Variants in FMN2 observed in about 807,000 individuals in gnomAD.
FMN2 encodes formin 2.
A neutral mutation model predicts 142.3 loss-of-function variants in FMN2; 51 were observed. That is an observed-to-expected ratio of 0.36 (90% CI 0.29 to 0.45). The LOEUF (loss-of-function observed/expected upper bound fraction) is 0.45, where lower values mean the gene tolerates loss of function less well. Ranked by LOEUF, FMN2 falls within the 20% of genes least tolerant of loss-of-function variation. The probability of loss-of-function intolerance (pLI) is 1.00; values close to 1 mark genes in which losing one functional copy is unlikely to be tolerated. For missense variants in FMN2, 1,936 were observed against 2,122.8 expected (o/e 0.91, Z 1.73); for synonymous variants, 882 against 869.8 (o/e 1.01, Z -0.25).
intron 2 of FMN2, among the ~76,000 whole-genome samples, chr1:240,158,343 A>C (rs1010074526): frequency 6.6e-6 from 1 of 152,150 alleles, no homozygotes; most frequent in African/African-American, 2.4e-5. Context: ...TGAATTTGCT[A>C]TGACCTTGGG....
intron 15 of FMN2, among the ~76,000 whole-genome samples, chr1:240,398,593 C>T (rs368956053): frequency 2.0e-4 from 31 of 152,262 alleles, no homozygotes; most frequent in Non-Finnish European, 3.2e-4. Context: ...AAACATTTGA[C>T]GTTTCTCCGA....
chr1:240,427,181 A>G (rs1244819083), intron 15 of FMN2, among the ~76,000 whole-genome samples: 1 of 132,918 alleles, frequency 7.5e-6, no homozygotes, highest in African/African-American at 4.1e-5. Flanking sequence ...TTATATATAT[A>G]TATATATATA....
intron 1 of FMN2, among the ~76,000 whole-genome samples, chr1:240,118,608 T>C (rs1403801134): frequency 6.6e-6 from 1 of 152,150 alleles, no homozygotes; most frequent in Non-Finnish European, 1.5e-5. Flanking sequence ...AACTTTGGAA[T>C]TGATCTTCTG....
intron 8 of FMN2, among the ~76,000 whole-genome samples, chr1:240,322,815 T>C (rs978461510): frequency 3.9e-5 from 6 of 152,314 alleles, no homozygotes; most frequent in Non-Finnish European, 7.3e-5. Flanking sequence ...GAAGCTGAAC[T>C]GTGGTCCCCT....
chr1:240,186,068 G>C (rs1665434388), intron 3 of FMN2, among the ~76,000 whole-genome samples: 1 of 152,146 alleles, frequency 6.6e-6, no homozygotes, highest in Non-Finnish European at 1.5e-5. Flanking sequence ...TTTAAGGCCA[G>C]TTGTTTATTG....
chr1:240,192,905 A>G (rs996002774), intron 4 of FMN2, among the ~76,000 whole-genome samples: 1 of 152,158 alleles, frequency 6.6e-6, no homozygotes, highest in Non-Finnish European at 1.5e-5. Context: ...TCAGAGAAAA[A>G]TATAGACGTT....
At chr1:240,192,808 T>C (rs1442953991) in intron 4 of FMN2, among the ~76,000 whole-genome samples, 1 of 151,216 alleles carries the variant, frequency 6.6e-6, no homozygotes, top group Admixed American at 6.6e-5. Context: ...TTTTGAAAGG[T>C]ATTCACCATA....
intron 8 of FMN2, among the ~76,000 whole-genome samples, chr1:240,295,214 ACACACACACACT>A (rs771314541): frequency 7.9e-6 from 1 of 125,870 alleles, no homozygotes; most frequent in African/African-American, 2.8e-5. Context: ...ACACACACAC[ACACACACACACT>A]CACACACACT....
chr1:240,315,703 A>T (rs1343509512), intron 8 of FMN2, among the ~76,000 whole-genome samples: 1 of 152,204 alleles, frequency 6.6e-6, no homozygotes, highest in African/African-American at 2.4e-5. Flanking sequence ...GCATTTTAAA[A>T]TATGAAAATT....
At chr1:240,471,406 G>C (rs1676804449) in intron 16 of FMN2, among the ~76,000 whole-genome samples, 1 of 149,974 alleles carries the variant, frequency 6.7e-6, no homozygotes, top group South Asian at 2.1e-4. Flanking sequence ...CTGTCACCCA[G>C]GCTGGAGTGC....
chr1:240,138,191 C>T (rs1036404795), intron 2 of FMN2, among the ~76,000 whole-genome samples: 10 of 151,624 alleles, frequency 6.6e-5, no homozygotes, highest in African/African-American at 1.5e-4. Context: ...AGTAGGAAGC[C>T]GGTGGAGGGT....
intron 3 of FMN2, among the ~76,000 whole-genome samples, chr1:240,187,076 C>A (rs1665496245): frequency 6.7e-6 from 1 of 148,706 alleles, no homozygotes; most frequent in African/African-American, 2.5e-5. Context: ...ACCAGCCTGG[C>A]CAACATGGTG....
chr1:240,357,561 A>G (rs1025704243), intron 14 of FMN2, among the ~76,000 whole-genome samples: 2 of 151,598 alleles, frequency 1.3e-5, no homozygotes, highest in African/African-American at 2.4e-5. Context: ...TTGCCCAGTC[A>G]TACTAACTGT....
At position 240,358,322 on chromosome 1, in the gene FMN2, C is replaced by T. The variant is rs932724901; in HGVS notation, c.4858+2414C>T. Among the ~76,000 whole-genome samples the T allele has an allele frequency of 9.2e-5, 14 of 152,172 alleles. No homozygotes were observed. The East Asian group carries it at 2.5e-3, about 27-fold the overall frequency. On this transcript the variant is annotated intron_variant, in intron 14 of 17. Coordinates refer to ENST00000319653, the MANE Select transcript of FMN2 (RefSeq NM_020066.5). Reference sequence around the variant, plus strand: ...AACAGAAAATTTTTTGGAAAAAAACCTATGTACATCAAATGTATGTAGATC... The same window carrying T: ...AACAGAAAATTTTTTGGAAAAAAACTTATGTACATCAAATGTATGTAGATC...
intron 15 of FMN2, among the ~76,000 whole-genome samples, chr1:240,434,239 G>C (rs944102701): frequency 6.6e-6 from 1 of 152,184 alleles, no homozygotes; most frequent in African/African-American, 2.4e-5. Context: ...AGAAAAGCCT[G>C]TGTAGTAAGG....
chr1:240,288,671 A>G (rs572810757), intron 7 of FMN2, among the ~76,000 whole-genome samples: 3 of 152,136 alleles, frequency 2.0e-5, no homozygotes, highest in East Asian at 3.9e-4. Context: ...AACAGGGGTG[A>G]TGGGATGTCA....
chr1:240,380,831 A>G (rs1673202724), intron 14 of FMN2, among the ~76,000 whole-genome samples: 2 of 152,112 alleles, frequency 1.3e-5, no homozygotes, highest in African/African-American at 4.8e-5. Flanking sequence ...GATAAACAAA[A>G]TAGACCACTA....
At chr1:240,183,185 G>A (rs1396088332) in intron 3 of FMN2, among the ~76,000 whole-genome samples, 1 of 151,540 alleles carries the variant, frequency 6.6e-6, no homozygotes, top group East Asian at 1.9e-4. Context: ...CCAAAGTGCT[G>A]GGATTACAGA....
chr1:240,371,224 T>C (rs1672854830), intron 14 of FMN2, among the ~76,000 whole-genome samples: 1 of 152,130 alleles, frequency 6.6e-6, no homozygotes, highest in Non-Finnish European at 1.5e-5. Flanking sequence ...CCTCCCAAAG[T>C]GTTGAGATTA....
Sources: gnomAD v4.1 joint callset for allele counts (sites outside exome capture counted in the v4.1 genomes callset) on GRCh38, gnomAD v4.1.1 for gene constraint, MANE v1.5 for transcripts, NCBI Gene and HGNC (gene_info 2026-07-23, HGNC 2026-07-21) for gene names.